LEPROTL1: variants seen among roughly 807,000 people sequenced by gnomAD.
LEPROTL1 encodes leptin receptor overlapping transcript-like 1.
LEPROTL1 carries 6 observed loss-of-function variants against 15.4 expected under a neutral mutation model. The ratio of observed to expected loss-of-function variants is 0.39; its 90% CI spans 0.21 to 0.77. The LOEUF is 0.77. Ranked by LOEUF, LEPROTL1 falls within the 30% of genes least tolerant of loss-of-function variation. LEPROTL1 has a pLI of 0.41. For synonymous variants in LEPROTL1, 56 were observed against 52.6 expected (o/e 1.06, Z -0.28); for missense variants, 128 against 158.1 (o/e 0.81, Z 1.02).
chr8:30,107,466 A>T lies in LEPROTL1; in HGVS notation c.*1604A>T. On this transcript the variant is annotated 3_prime_UTR_variant, in exon 4 of 4. Transcript: ENST00000321250. ...CATGACAGCTGTCTGTTGTTTTATG[A>T]AGTTTATTTCTCAAGAAAATGGGAA... The T allele has an allele frequency of 1.0e-6, 1 of 985,844 alleles. No individual in the cohort carries two copies. The highest frequency in any genetic ancestry group is 1.2e-6 in the Non-Finnish European group (1 of 829,914). 61.1% of individuals were successfully genotyped at this position (985,844 alleles called of 1,614,324 possible).
At chr8:30,103,766 A>AAACATAAG (rs1480514634) in intron 2 of LEPROTL1, among the ~76,000 whole-genome samples, 1 of 151,954 alleles carries the variant, frequency 6.6e-6, no homozygotes, top group Non-Finnish European at 1.5e-5. Context: ...AAAATTTAGG[A>AAACATAAG]AACATAAGTA....
chr8:30,112,401 ATTTTTTTTTTTTTTTTT>A (rs10684450), downstream of LEPROTL1, among the ~76,000 whole-genome samples: 3 of 27,864 alleles, frequency 1.1e-4, no homozygotes, highest in Admixed American at 8.1e-4. Context: ...TGCCCAGCTA[ATTTTTTTTTTTTTTTTT>A]TTTTTTTTTT....
chr8:30,136,915 T>A (rs892903216), intron 4 of LEPROTL1, among the ~76,000 whole-genome samples: 3 of 152,060 alleles, frequency 2.0e-5, no homozygotes, highest in Non-Finnish European at 4.4e-5. Context: ...CTTGAACTCC[T>A]GGCCTCAAGT....
At chr8:30,124,881 G>C (rs979698789) in intron 3 of LEPROTL1, among the ~76,000 whole-genome samples, 13 of 152,146 alleles carry the variant, frequency 8.5e-5, no homozygotes, top group Admixed American at 7.9e-4. Context: ...TCTTTCTACA[G>C]GGAAATGTCA....
At chr8:30,138,158 C>T (rs1000533422), downstream of LEPROTL1, 1 of 172,622 alleles carries the variant, frequency 5.8e-6, no homozygotes, top group African/African-American at 2.4e-5. Context: ...TCCCCAAATG[C>T]TCAGGGAAAC....
Position 30,101,938 on chromosome 8 carries a change from GT to G in LEPROTL1, c.62del (p.Leu21Ter). The G allele has an allele frequency of 1.2e-6, 2 of 1,610,292 alleles. No homozygotes were observed. The highest frequency in any genetic ancestry group is 1.7e-4 in the Middle Eastern group (1 of 5,786). On this transcript the variant is annotated frameshift_variant, in exon 2 of 4. Transcript: ENST00000321250. LOFTEE classifies it high-confidence loss of function. The stretch of plus-strand genomic sequence containing the variant: ...CCTTTGGAGGAGCAATCGGACTGAT[GT>G]TTTTGATGCTTGGATGTGCCCTTCC... ...LSFGGAIGLM[F>X]LMLGCALPIY...
intron 2 of LEPROTL1, among the ~76,000 whole-genome samples, chr8:30,103,640 G>T (rs887598830): frequency 5.9e-5 from 9 of 151,676 alleles, no homozygotes; most frequent in African/African-American, 1.9e-4. Flanking sequence ...AGTCACGGGG[G>T]CTGAGGCAGG....
rs1269515028 is a variant in LEPROTL1 at position 30,127,880 on chromosome 8, T to A, written c.280-4495T>A. On this transcript the variant is annotated intron_variant, in intron 3 of 4. Transcript: ENST00000442880. ...CCAGAAGGTTAGTGATTGAATTTTT[T>A]AAAAAGAGCGGGTGGGGTGTCAATA... Among the ~76,000 whole-genome samples, 5 of 151,928 alleles carry A rather than the reference T, an allele frequency of 3.3e-5. No homozygotes were observed. In the East Asian group the frequency reaches 9.7e-4, roughly 29 times the overall value.
At chr8:30,123,527 T>A (rs977225022) in intron 3 of LEPROTL1, among the ~76,000 whole-genome samples, 3 of 152,222 alleles carry the variant, frequency 2.0e-5, no homozygotes, top group Non-Finnish European at 4.4e-5. Context: ...AGTCTTGCAG[T>A]CATTTTACTA....
intron 3 of LEPROTL1, among the ~76,000 whole-genome samples, chr8:30,116,195 A>G (rs958387578): frequency 2.6e-5 from 4 of 152,128 alleles, no homozygotes; most frequent in Admixed American, 6.6e-5. Flanking sequence ...AGCTGTGATC[A>G]TGCCACTGTG....
At chr8:30,138,116 C>A (rs184535520), downstream of LEPROTL1, 218 of 171,418 alleles carry the variant, frequency 1.3e-3, 2 homozygotes, top group Non-Finnish European at 2.6e-4. Flanking sequence ...CTGGCCTCCC[C>A]CTACCCACCA....
intron 3 of LEPROTL1, among the ~76,000 whole-genome samples, chr8:30,120,034 C>G (rs1259253292): frequency 6.6e-6 from 1 of 151,584 alleles, no homozygotes; most frequent in Non-Finnish European, 1.5e-5. Context: ...CCACTGCACT[C>G]CAGACTGGGC....
At chr8:30,136,366 G>C (rs11787124) in intron 4 of LEPROTL1, among the ~76,000 whole-genome samples, 5 of 152,210 alleles carry the variant, frequency 3.3e-5, no homozygotes, top group Non-Finnish European at 7.3e-5. Context: ...CCACCCGCAA[G>C]CCACGAGAAT....
rs540814317 is a variant in LEPROTL1, at chr8:30,121,410, G to A, written c.280-10965G>A. On this transcript the variant is annotated intron_variant, in intron 3 of 4. Coordinates refer to the LEPROTL1 transcript ENST00000442880. Reference sequence around the variant, plus strand: ...TGGGATTACAGGCACCCGCCACCACGCCAGGCTAATTTTTTGTATTTTCAG... The same window carrying A: ...TGGGATTACAGGCACCCGCCACCACACCAGGCTAATTTTTTGTATTTTCAG... Among the ~76,000 whole-genome samples the A allele has an allele frequency of 2.4e-4, 36 of 152,034 alleles. No homozygotes were observed. In the South Asian group the frequency reaches 7.3e-3, roughly 31 times the overall value.
chr8:30,109,004 A>G (rs934730600), downstream of LEPROTL1, among the ~76,000 whole-genome samples: 3 of 151,932 alleles, frequency 2.0e-5, no homozygotes, highest in South Asian at 2.1e-4. Context: ...GCCTCAAGCC[A>G]TCACCACCAC....
rs150102430 is a variant in LEPROTL1, at chr8:30,107,197, C to G, written c.*1335C>G. ...AAGGCATTTGTTGTGTGAGTTAATG[C>G]AAAGTAGCCAAGTCCAGCTATATAG... is the stretch of plus-strand genomic sequence containing the variant. On this transcript the variant is annotated 3_prime_UTR_variant, in exon 4 of 4. Transcript: ENST00000321250. 1 of 985,350 alleles carries G rather than the reference C, an allele frequency of 1.0e-6. No individual in the cohort carries two copies. The allele number at this position is 985,350 out of a possible 1,614,324, so 61.0% of individuals were successfully genotyped here.
chr8:30,095,997 G>C, intron 1 of LEPROTL1: 1 of 636,516 alleles, frequency 1.6e-6, no homozygotes, highest in Non-Finnish European at 2.9e-6. Flanking sequence ...GCGCTGCACG[G>C]GTCTGCCCGA....
intron 1 of LEPROTL1, among the ~76,000 whole-genome samples, chr8:30,100,239 C>T (rs1160428309): frequency 6.6e-6 from 1 of 152,154 alleles, no homozygotes; most frequent in Non-Finnish European, 1.5e-5. Context: ...ATCAGTAGTA[C>T]TTGGCAAAGT....
chr8:30,136,173 C>G (rs1352584715), intron 4 of LEPROTL1, among the ~76,000 whole-genome samples: 2 of 152,134 alleles, frequency 1.3e-5, no homozygotes, highest in African/African-American at 4.8e-5. Flanking sequence ...GGTCTAACCC[C>G]AGTACCTCAG....
Sources: gnomAD v4.1 joint callset for allele counts (sites outside exome capture counted in the v4.1 genomes callset) on GRCh38, gnomAD v4.1.1 for gene constraint, MANE v1.5 for transcripts, NCBI Gene and HGNC (gene_info 2026-07-23, HGNC 2026-07-21) for gene names.